The following CHRND variants were observed in gnomAD, a reference collection of about 807,000 sequenced individuals.
The protein encoded by CHRND is cholinergic receptor nicotinic delta subunit, also known as acetylcholine receptor subunit delta.
CHRND carries 40 observed loss-of-function variants against 57.8 expected under a neutral mutation model. That is an observed-to-expected ratio of 0.69 (90% CI 0.54 to 0.90). The LOEUF (loss-of-function observed/expected upper bound fraction) is 0.90, where lower values mean the gene tolerates loss of function less well. CHRND is among the 40% of genes least tolerant of loss of function. The probability of loss-of-function intolerance (pLI) is 0.00; values close to 1 mark genes in which losing one functional copy is unlikely to be tolerated. For synonymous variants in CHRND, 237 were observed against 270.6 expected (o/e 0.88, Z 1.22); for missense variants, 634 against 673.9 (o/e 0.94, Z 0.66).
In CHRND at chr2:232,531,540, A is replaced by C; in HGVS notation, c.933-2A>C. ...AGCTCCAAGCTGAGTGTTTGCCCAC[A>C]GGTTCCTGCTCTTCGGCATGGTGCT... On this transcript the variant is annotated splice_acceptor_variant, in intron 8 of 11. Transcript: ENST00000258385. LOFTEE classifies it high-confidence loss of function. The C allele has an allele frequency of 6.2e-7, 1 of 1,614,052 alleles. No individual in the cohort carries two copies. Among genetic ancestry groups the C allele is most frequent in the South Asian group, 1.1e-5 (1 of 91,070 alleles).
chr2:232,529,535 G>A (rs1691606793), intron 6 of CHRND, among the ~76,000 whole-genome samples: 1 of 152,244 alleles, frequency 6.6e-6, no homozygotes, highest in Non-Finnish European at 1.5e-5. Context: ...CCAGGCCGAG[G>A]AGTGGCTCAA....
Position 232,534,349 on chromosome 2 carries a change from G to A in CHRND, c.1371+7G>A. On this transcript the variant is annotated splice_region_variant and intron_variant, in intron 11 of 11. Transcript: ENST00000258385. The stretch of plus-strand genomic sequence containing the variant: ...CCAGAACAATTACAATGAGGTAAGG[G>A]ACCACAGGATTGCCATGTACAGGTG... The A allele has an allele frequency of 1.2e-6, 2 of 1,612,874 alleles. No homozygotes were observed. Among genetic ancestry groups the A allele is most frequent in the East Asian group, 2.2e-5 (1 of 44,876 alleles).
chr2:232,533,917 T>C lies in CHRND; in HGVS notation c.1048-14T>C, dbSNP rs1574636940. 2 of 1,611,540 alleles carry C rather than the reference T, an allele frequency of 1.2e-6. No homozygotes were observed. Among genetic ancestry groups the C allele is most frequent in the African/African-American group, 2.7e-5 (2 of 74,986 alleles). ...AAACAACGCCTTTCTTGTGGCCCCT[T>C]GACATGGCCCCAGCTCTTCCTGGAG... On this transcript the variant is annotated splice_polypyrimidine_tract_variant and intron_variant, in intron 9 of 11. Coordinates refer to ENST00000258385, the MANE Select transcript of CHRND (RefSeq NM_000751.3).
At chr2:232,529,001 A>C (rs1164785713) in intron 6 of CHRND, 30 bp downstream of exon 6, 40 of 1,534,542 alleles carry the variant, frequency 2.6e-5, no homozygotes, top group Non-Finnish European at 3.1e-5. Context: ...GTGGGTGGGC[A>C]GGTCCCTCAG....
intron 8 of CHRND, 31 bp downstream of exon 8, chr2:232,531,494 G>A: frequency 6.2e-7 from 1 of 1,613,578 alleles, no homozygotes; most frequent in Non-Finnish European, 8.5e-7. Context: ...GCCTCACCCT[G>A]CTTGCCAGCC....
chr2:232,526,380 G>T (rs879020024), intron 1 of CHRND, 113 bp downstream of exon 1: 12 of 1,513,722 alleles, frequency 7.9e-6, no homozygotes, highest in Admixed American at 3.7e-5. Context: ...CCCTGTGGGG[G>T]GCCGCCTTCT....
chr2:232,529,834 C>A, intron 6 of CHRND, 105 bp from the exon 7 acceptor site: 2 of 1,234,028 alleles, frequency 1.6e-6, no homozygotes, highest in Non-Finnish European at 2.3e-6. Flanking sequence ...AGCCCATCTG[C>A]GTCTCTGGAC....
chr2:232,535,285 C>T lies in CHRND; in HGVS notation c.1527C>T (p.Tyr509=), dbSNP rs572853269. ...CTTTTCCTGGGGACCCCTACTCCTA[C>T]AACGTGCAGGACAAGCGCTTCATCT... ...PQPFPGDPYS[Y]NVQDKRFI The change falls in exon 12 of 12, where the codon TAC becomes TAT. Residue 509 remains tyrosine, a synonymous_variant. Coordinates refer to ENST00000258385, the MANE Select transcript of CHRND (RefSeq NM_000751.3). The T allele has an allele frequency of 6.8e-6, 11 of 1,614,004 alleles. No homozygotes were observed. In the South Asian group the frequency reaches 1.2e-4, roughly 18 times the overall value.
chr2:232,527,346 G>T, intron 2 of CHRND, 55 bp from the exon 3 acceptor site: 1 of 1,411,916 alleles, frequency 7.1e-7, no homozygotes. Context: ...GGGTGAATGT[G>T]TGCGGATAAA....
At position 232,535,659 on chromosome 2, in the gene CHRND, C is replaced by A. The variant is rs1040765270; in HGVS notation, c.*347C>A. On this transcript the variant is annotated 3_prime_UTR_variant, in exon 12 of 12. Transcript: ENST00000258385. ...GGGCCCCTTCTCTGCTTCTCCTCCC[C>A]CAAGGTGTGGGGTAGAGCAGGCAGG... 1.4e-5 allele frequency: 7 copies of A among 497,108 alleles called. No homozygotes were observed. Among genetic ancestry groups the A allele is most frequent in the Non-Finnish European group, 2.0e-5 (5 of 255,882 alleles). The allele number at this position is 497,108 out of a possible 1,614,324, so 30.8% of individuals were successfully genotyped here.
intron 6 of CHRND, 49 bp downstream of exon 6, chr2:232,529,020 A>G (rs770855739): frequency 2.2e-6 from 3 of 1,357,100 alleles, no homozygotes; most frequent in Non-Finnish European, 3.2e-6. Context: ...AGACACACAC[A>G]GACACACTGG....
intron 1 of CHRND, 38 bp from the exon 2 acceptor site, chr2:232,526,491 C>G: frequency 6.2e-7 from 1 of 1,613,010 alleles, no homozygotes. Context: ...GTCCCCTGCC[C>G]AGGGCCCCAT....
rs150780520 is a variant in CHRND at position 232,530,974 on chromosome 2, G to A, written c.821-378G>A. ...CAACCTGGCACTTTCTAAGCGGGGA[G>A]TAACGCACGCAGGTCTGTGCTCCAG... On this transcript the variant is annotated intron_variant, in intron 7 of 11. Coordinates refer to ENST00000258385, the MANE Select transcript of CHRND (RefSeq NM_000751.3). Among the ~76,000 whole-genome samples, 564 of 152,316 alleles carry A rather than the reference G, an allele frequency of 3.7e-3. 4 individuals are homozygous for A. The highest frequency in any genetic ancestry group is 5.8e-3 in the Admixed American group (88 of 15,302).
Position 232,526,415 on chromosome 2 carries a change from T to C in CHRND, c.53-114T>C, listed in dbSNP as rs1400616652. On this transcript the variant is annotated intron_variant, in intron 1 of 11. Coordinates refer to ENST00000258385, the MANE Select transcript of CHRND (RefSeq NM_000751.3). ...TGGGGTCCCCACTCCCAGGGAGTGG[T>C]TGGGTTCCCCCCTGCTCATCCCAAC... 5 of 1,559,658 alleles carry C rather than the reference T, an allele frequency of 3.2e-6. No individual in the cohort carries two copies. In the African/African-American group the frequency reaches 5.4e-5, roughly 17 times the overall value.
At chr2:232,526,331 A>G in intron 1 of CHRND, 64 bp downstream of exon 1, 7 of 1,563,836 alleles carry the variant, frequency 4.5e-6, no homozygotes, top group Non-Finnish European at 6.1e-6. Context: ...CCCACACCGC[A>G]TGGCTCCTCA....
intron 11 of CHRND, 69 bp from the exon 12 acceptor site, chr2:232,535,061 C>T (rs1691834366): frequency 4.2e-5 from 67 of 1,590,444 alleles, no homozygotes; most frequent in Non-Finnish European, 5.6e-5. Context: ...ATGGCTGGGC[C>T]CCAGCTTGGG....
chr2:232,534,466 GAC>G, intron 11 of CHRND, 124 bp downstream of exon 11: 1 of 1,012,668 alleles, frequency 9.9e-7, no homozygotes, highest in South Asian at 1.3e-5. Context: ...GAGTTAATGT[GAC>G]ACAGATTCCA....
Position 232,526,168 on chromosome 2 carries a change from G to T in CHRND, c.-48G>T. The T allele has an allele frequency of 7.8e-7, 1 of 1,284,504 alleles. No individual in the cohort carries two copies. Among genetic ancestry groups the T allele is most frequent in the Non-Finnish European group, 1.1e-6 (1 of 897,158 alleles). 79.6% of individuals were successfully genotyped at this position (1,284,504 alleles called of 1,614,324 possible). A position where few individuals can be genotyped will look rare whatever the true frequency, so the allele number is the denominator to read the frequency against. ...CTCTCCCGCCCACCCTCATTCCACA[G>T]CCCTGTAGACAGGAGGGGCAGATGC... On this transcript the variant is annotated 5_prime_UTR_variant, in exon 1 of 12. Transcript: ENST00000258385.
chr2:232,529,793 G>A (rs569057541), intron 6 of CHRND, 146 bp from the exon 7 acceptor site: 161 of 725,348 alleles, frequency 2.2e-4, no homozygotes, highest in African/African-American at 2.0e-3. Context: ...ACCCCCCAGG[G>A]AACGACACCC....
Sources: gnomAD v4.1 joint callset for allele counts (sites outside exome capture counted in the v4.1 genomes callset) on GRCh38, gnomAD v4.1.1 for gene constraint, MANE v1.5 for transcripts, NCBI Gene and HGNC (gene_info 2026-07-23, HGNC 2026-07-21) for gene names.